LRRC4C: variants seen among roughly 807,000 people sequenced by gnomAD.
The protein encoded by LRRC4C is leucine-rich repeat-containing protein 4C.
In LRRC4C, 5 loss-of-function variants were observed where a neutral mutation model predicts 33.6. The ratio of observed to expected loss-of-function variants is 0.15; its 90% CI spans 0.08 to 0.31. The LOEUF (loss-of-function observed/expected upper bound fraction) is 0.31, where lower values mean the gene tolerates loss of function less well. Among genes scored for constraint, LRRC4C ranks in the 10% least tolerant of loss-of-function variants. The pLI is 1.00. For missense variants in LRRC4C, 560 were observed against 796.7 expected (o/e 0.70, Z 3.58); for synonymous variants, 329 against 302.0 (o/e 1.09, Z -0.93).
At chr11:41,290,106 A>G (rs2136999549) in intron 1 of LRRC4C, among the ~76,000 whole-genome samples, 1 of 152,322 alleles carries the variant, frequency 6.6e-6, no homozygotes, top group Admixed American at 6.5e-5. Context: ...AGAAAGGTAA[A>G]AGGTATCTAG....
At chr11:40,750,155 G>T (rs1011207159) in intron 2 of LRRC4C, among the ~76,000 whole-genome samples, 5 of 152,008 alleles carry the variant, frequency 3.3e-5, no homozygotes, top group Non-Finnish European at 5.9e-5. Context: ...CCAGGAGGTG[G>T]AGATTGTGGT....
chr11:40,653,158 A>G (rs1942906529), intron 2 of LRRC4C, among the ~76,000 whole-genome samples: 1 of 152,192 alleles, frequency 6.6e-6, no homozygotes, highest in South Asian at 2.1e-4. Context: ...TAATATAGTT[A>G]GTTGGTACCA....
At chr11:41,276,769 C>T (rs956928513) in intron 1 of LRRC4C, among the ~76,000 whole-genome samples, 2 of 152,022 alleles carry the variant, frequency 1.3e-5, no homozygotes, top group African/African-American at 4.8e-5. Flanking sequence ...AGGATCCTTA[C>T]AGGGGAAAGA....
At chr11:40,184,283 G>A (rs1370406456) in intron 5 of LRRC4C, among the ~76,000 whole-genome samples, 2 of 152,186 alleles carry the variant, frequency 1.3e-5, no homozygotes, top group Non-Finnish European at 2.9e-5. Context: ...TAGTGGAAAT[G>A]ACTGAGGGGA....
chr11:40,782,456 T>TC (rs1565055538), intron 2 of LRRC4C, among the ~76,000 whole-genome samples: 1 of 152,010 alleles, frequency 6.6e-6, no homozygotes, highest in Non-Finnish European at 1.5e-5. Flanking sequence ...TTTTTTTTTT[T>TC]TTCTAGGAAC....
intron 1 of LRRC4C, among the ~76,000 whole-genome samples, chr11:41,010,831 C>A (rs1460719532): frequency 6.6e-6 from 1 of 152,082 alleles, no homozygotes; most frequent in East Asian, 1.9e-4. Flanking sequence ...GAACATATTG[C>A]AAATTCAGTA....
intron 1 of LRRC4C, among the ~76,000 whole-genome samples, chr11:41,121,387 T>A (rs570185473): frequency 1.3e-5 from 2 of 152,310 alleles, no homozygotes; most frequent in East Asian, 3.9e-4. Context: ...ATTCCAATTC[T>A]GAGTTCTGAA....
intron 1 of LRRC4C, among the ~76,000 whole-genome samples, chr11:41,310,379 G>T (rs1292160294): frequency 6.6e-6 from 1 of 152,194 alleles, no homozygotes; most frequent in African/African-American, 2.4e-5. Context: ...TTTCTGGAGA[G>T]AAATTATGTA....
At chr11:41,106,326 T>A (rs1421051862) in intron 1 of LRRC4C, among the ~76,000 whole-genome samples, 1 of 151,952 alleles carries the variant, frequency 6.6e-6, no homozygotes, top group Non-Finnish European at 1.5e-5. Flanking sequence ...AGTAAAGTTG[T>A]GATGGTTAAC....
intron 3 of LRRC4C, among the ~76,000 whole-genome samples, chr11:40,333,049 T>G (rs1204404316): frequency 6.6e-6 from 1 of 152,194 alleles, no homozygotes; most frequent in Non-Finnish European, 1.5e-5. Context: ...TTATGACCCA[T>G]GCATGTGTCT....
intron 1 of LRRC4C, among the ~76,000 whole-genome samples, chr11:41,232,170 T>A (rs1343836691): frequency 6.6e-6 from 1 of 152,016 alleles, no homozygotes; most frequent in Non-Finnish European, 1.5e-5. Flanking sequence ...ACATCCTCCT[T>A]AGCATCTCTA....
chr11:40,166,632 A>G (rs946173186), intron 5 of LRRC4C, among the ~76,000 whole-genome samples: 9 of 152,174 alleles, frequency 5.9e-5, no homozygotes, highest in African/African-American at 2.2e-4. Flanking sequence ...TCAGGCAACT[A>G]TGATGATCGA....
At chr11:41,385,451 T>C (rs1953323622) in intron 1 of LRRC4C, among the ~76,000 whole-genome samples, 1 of 151,476 alleles carries the variant, frequency 6.6e-6, no homozygotes, top group South Asian at 2.1e-4. Flanking sequence ...TATACAATTA[T>C]GTTAATAGTA....
Position 40,518,887 on chromosome 11 carries a change from A to G in LRRC4C, c.-270+129255T>C, listed in dbSNP as rs1452039204. Among the ~76,000 whole-genome samples, 9 of 152,340 alleles carry G rather than the reference A, an allele frequency of 5.9e-5. No individual in the cohort carries two copies. In the East Asian group the frequency reaches 1.7e-3, roughly 29 times the overall value. On this transcript the variant is annotated intron_variant, in intron 3 of 6. Coordinates refer to ENST00000528697, the MANE Select transcript of LRRC4C (RefSeq NM_001258419.2). ...TGACTGGATAAAGAAAATGTGGCAC[A>G]TATACACCATGGAATACTATGCAGC...
chr11:41,062,834 A>G (rs1252319444), intron 1 of LRRC4C, among the ~76,000 whole-genome samples: 2 of 152,210 alleles, frequency 1.3e-5, no homozygotes, highest in African/African-American at 4.8e-5. Flanking sequence ...ACACACACAC[A>G]GAGAAGGAAG....
intron 1 of LRRC4C, among the ~76,000 whole-genome samples, chr11:41,007,357 AC>A (rs1384561763): frequency 6.7e-6 from 1 of 149,904 alleles, no homozygotes; most frequent in Non-Finnish European, 1.5e-5. Context: ...AAATTAAACA[AC>A]AAAAATGCTT....
chr11:40,568,004 T>A (rs1957834020), intron 3 of LRRC4C, among the ~76,000 whole-genome samples: 1 of 152,222 alleles, frequency 6.6e-6, no homozygotes, highest in South Asian at 2.1e-4. Flanking sequence ...TTTCTTCACT[T>A]TCCAGTGATT....
At chr11:41,445,831 G>A (rs1163062082) in intron 1 of LRRC4C, among the ~76,000 whole-genome samples, 1 of 137,498 alleles carries the variant, frequency 7.3e-6, no homozygotes, top group Non-Finnish European at 1.6e-5. Context: ...CAAGCAGGAA[G>A]AGGGAATCCA....
intron 1 of LRRC4C, among the ~76,000 whole-genome samples, chr11:41,208,000 T>G (rs978018614): frequency 6.6e-6 from 1 of 152,152 alleles, no homozygotes; most frequent in East Asian, 1.9e-4. Flanking sequence ...AATATGTACA[T>G]TAAGGTGATT....
Sources: allele counts gnomAD v4.1 joint callset (sites outside exome capture counted in the v4.1 genomes callset), GRCh38; gene constraint gnomAD v4.1.1; transcripts MANE v1.5; gene names NCBI Gene and HGNC (gene_info 2026-07-23, HGNC 2026-07-21).